ADCK5: variants seen among roughly 807,000 people sequenced by gnomAD.
The protein encoded by ADCK5 is uncharacterized aarF domain-containing protein kinase 5.
In ADCK5, 43 loss-of-function variants were observed where a neutral mutation model predicts 64.9. The observed-to-expected ratio is 0.66, with a 90% confidence interval of 0.52 to 0.85. ADCK5 has a LOEUF of 0.85. Ranked by LOEUF, ADCK5 falls within the 40% of genes least tolerant of loss-of-function variation. ADCK5 has a pLI of 0.00. For missense variants in ADCK5, 760 were observed against 810.5 expected, an observed-to-expected ratio of 0.94 and a Z score of 0.76; for synonymous variants, 434 against 342.8, an observed-to-expected ratio of 1.27 and a Z score of -2.94.
intron 1 of ADCK5, among the ~76,000 whole-genome samples, chr8:144,378,936 T>A (rs542414333): frequency 7.2e-6 from 1 of 139,788 alleles, no homozygotes; most frequent in Non-Finnish European, 1.6e-5. Context: ...TGGGTAGTTC[T>A]TTTTTTTTTT....
chr8:144,378,475 C>A (rs1586575313), intron 1 of ADCK5, among the ~76,000 whole-genome samples: 1 of 152,102 alleles, frequency 6.6e-6, no homozygotes, highest in Non-Finnish European at 1.5e-5. Flanking sequence ...TCTCCGCCCC[C>A]CCCACTGCTT....
At chr8:144,379,337 G>A in intron 1 of ADCK5, 50 bp from the exon 2 acceptor site, 2 of 1,417,310 alleles carry the variant, frequency 1.4e-6, no homozygotes, top group Non-Finnish European at 1.9e-6. Context: ...GTTGAGGGCA[G>A]GGGCGTGTCC....
chr8:144,393,178 G>C lies in ADCK5; in HGVS notation c.*104G>C. The C allele has an allele frequency of 2.2e-6, 3 of 1,359,396 alleles. No individual in the cohort carries two copies. The highest frequency in any genetic ancestry group is 2.9e-6 in the Non-Finnish European group (3 of 1,019,142). The allele number at this position is 1,359,396 out of a possible 1,614,324, so 84.2% of individuals were successfully genotyped here. ...CGAGCCCCGTGGGCACTCGCACTGG[G>C]GGGCTGTGACAGCAGCTGGGCCAGG... On this transcript the variant is annotated 3_prime_UTR_variant, in exon 15 of 15. Coordinates refer to ENST00000308860, the MANE Select transcript of ADCK5 (RefSeq NM_174922.5).
At chr8:144,374,599 G>A (rs1257525276) in intron 1 of ADCK5, among the ~76,000 whole-genome samples, 1 of 152,126 alleles carries the variant, frequency 6.6e-6, no homozygotes, top group Non-Finnish European at 1.5e-5. Flanking sequence ...GGGGCCCCGC[G>A]GGGAAGCCTC....
chr8:144,393,158 C>G lies in ADCK5; in HGVS notation c.*84C>G. ...GGCTAGAGGTGTAGACACCCCGAGC[C>G]CCGTGGGCACTCGCACTGGGGGGCT... On this transcript the variant is annotated 3_prime_UTR_variant, in exon 15 of 15. Coordinates refer to ENST00000308860, the MANE Select transcript of ADCK5 (RefSeq NM_174922.5). 7.2e-7 allele frequency: 1 copy of G among 1,390,396 alleles called. No individual in the cohort carries two copies. The highest frequency in any genetic ancestry group is 9.5e-7 in the Non-Finnish European group (1 of 1,048,274). 86.1% of individuals were successfully genotyped at this position (1,390,396 alleles called of 1,614,324 possible).
At position 144,390,758 on chromosome 8, in the gene ADCK5, T is replaced by C; in HGVS notation, c.342+12T>C. On this transcript the variant is annotated intron_variant, in intron 4 of 14. Transcript: ENST00000308860. ...GAGGGGTGGAAGAGGTTTGTCCTGG[T>C]GCCCTGGGCACACAGTGGTGGGCAT... is the stretch of plus-strand genomic sequence containing the variant. 6.2e-7 allele frequency: 1 copy of C among 1,612,904 alleles called. No homozygotes were observed. The highest frequency in any genetic ancestry group is 8.5e-7 in the Non-Finnish European group (1 of 1,179,288).
At chr8:144,389,758 T>C (rs1261802936) in intron 3 of ADCK5, among the ~76,000 whole-genome samples, 1 of 152,032 alleles carries the variant, frequency 6.6e-6, no homozygotes, top group Non-Finnish European at 1.5e-5. Context: ...CCTCAATCTC[T>C]TGACTTTGTG....
rs375060146 is a variant in ADCK5 at position 144,392,768 on chromosome 8, G to A, written c.1521-8G>A. 2.5e-6 allele frequency: 4 copies of A among 1,587,312 alleles called. No homozygotes were observed. The highest frequency in any genetic ancestry group is 2.6e-6 in the Non-Finnish European group (3 of 1,168,718). ...GGGCTGACGCGGCGCTAACGCGGGTGTGTGCAGGGCTGTCCGGGGCTGGAG... is the reference window on the plus strand; with the variant it reads ...GGGCTGACGCGGCGCTAACGCGGGTATGTGCAGGGCTGTCCGGGGCTGGAG... On this transcript the variant is annotated splice_region_variant and splice_polypyrimidine_tract_variant and intron_variant, in intron 13 of 14. Coordinates refer to ENST00000308860, the MANE Select transcript of ADCK5 (RefSeq NM_174922.5).
intron 2 of ADCK5, among the ~76,000 whole-genome samples, chr8:144,381,181 C>G (rs1301936393): frequency 1.4e-5 from 2 of 146,572 alleles, no homozygotes; most frequent in African/African-American, 2.6e-5. Context: ...TGTGCTCAGG[C>G]ACCTGCTGCA....
At chr8:144,390,773 G>C (rs781824311) in intron 4 of ADCK5, 27 bp downstream of exon 4, 6 of 1,611,738 alleles carry the variant, frequency 3.7e-6, no homozygotes, top group Non-Finnish European at 5.1e-6. Context: ...TGGGCACACA[G>C]TGGTGGGCAT....
chr8:144,383,304 C>T, intron 3 of ADCK5, 74 bp downstream of exon 3: 3 of 1,453,694 alleles, frequency 2.1e-6, no homozygotes, highest in Non-Finnish European at 2.7e-6. Flanking sequence ...TTGCCTGCTC[C>T]AGATGCCTTC....
Position 144,392,545 on chromosome 8 carries a change from G to T in ADCK5, c.1368G>T (p.Val456=). 6.4e-7 allele frequency: 1 copy of T among 1,564,492 alleles called. No individual in the cohort carries two copies. The part of the protein sequence containing the change: ...LLSREEAAYM[V]DMARERFEAV... ...GCCGCGAAGAGGCGGCCTACATGGTGGACATGGCCCGCGAGCGCTTCGAGG... is the reference window on the plus strand; with the variant it reads ...GCCGCGAAGAGGCGGCCTACATGGTTGACATGGCCCGCGAGCGCTTCGAGG... Residue 456 remains valine (V), a synonymous_variant, in exon 13 of 15, where the codon GTG becomes GTT. Transcript: ENST00000308860.
chr8:144,373,141 A>T (rs1819215966), upstream of ADCK5: 1 of 152,526 alleles, frequency 6.6e-6, no homozygotes, highest in African/African-American at 2.4e-5. Flanking sequence ...GCCCTCGTGG[A>T]TTCCACAAGG....
Position 144,393,149 on chromosome 8 carries a change from A to G in ADCK5, c.*75A>G, listed in dbSNP as rs1303103327. The G allele has an allele frequency of 7.1e-7, 1 of 1,410,424 alleles. No homozygotes were observed. Among genetic ancestry groups the G allele is most frequent in the East Asian group, 2.5e-5 (1 of 39,862 alleles). The allele number at this position is 1,410,424 out of a possible 1,614,324, so 87.4% of individuals were successfully genotyped here. On this transcript the variant is annotated 3_prime_UTR_variant, in exon 15 of 15. Transcript: ENST00000308860. Reference sequence around the variant, plus strand: ...AGGTGGCGGGGCTAGAGGTGTAGACACCCCGAGCCCCGTGGGCACTCGCAC... The same window carrying G: ...AGGTGGCGGGGCTAGAGGTGTAGACGCCCCGAGCCCCGTGGGCACTCGCAC...
chr8:144,387,966 A>G (rs1554859578), intron 3 of ADCK5, among the ~76,000 whole-genome samples: 1 of 151,558 alleles, frequency 6.6e-6, no homozygotes, highest in Non-Finnish European at 1.5e-5. Flanking sequence ...TCCTGACCTC[A>G]GGGGATCCGC....
chr8:144,384,917 T>C lies in ADCK5; in HGVS notation c.266+1687T>C, dbSNP rs188795454. On this transcript the variant is annotated intron_variant, in intron 3 of 14. Transcript: ENST00000308860. The surrounding 1 kb of genome is among the most constrained non-coding windows in gnomAD (Gnocchi z 5.7). ...TTGGCTCTAAGCCGTCACGGTTGCA[T>C]AGACAAGCAGGCCTGTGGAGCTTCC... Among the ~76,000 whole-genome samples, 65 of 152,258 alleles carry C rather than the reference T, an allele frequency of 4.3e-4. No individual in the cohort carries two copies. Among genetic ancestry groups the C allele is most frequent in the Non-Finnish European group, 6.6e-4 (45 of 68,016 alleles).
intron 1 of ADCK5, chr8:144,375,384 A>G (rs1554856939): frequency 1.1e-6 from 1 of 887,564 alleles, no homozygotes; most frequent in African/African-American, 1.8e-5. Flanking sequence ...GGGGACAATT[A>G]TGTGCCTCAG....
chr8:144,392,472 T>TGCAGCGCCCC lies in ADCK5; in HGVS notation c.1297_1306dup (p.Val436AlafsTer74). 1 of 1,265,832 alleles carries TGCAGCGCCCC rather than the reference T, an allele frequency of 7.9e-7. No homozygotes were observed. The allele number at this position is 1,265,832 out of a possible 1,614,324, so 78.4% of individuals were successfully genotyped here. ...TACCTCCTGTTCGCCGAGATGCTCA[T>TGCAGCGCCCC]GCAGCGCCCCGTGCGCCTGGGGCAG... On this transcript the variant is annotated frameshift_variant, in exon 13 of 15. Transcript: ENST00000308860. LOFTEE classifies it high-confidence loss of function.
rs782788015 is a variant in ADCK5 at position 144,391,164 on chromosome 8, G to C, written c.574G>C (p.Ala192Pro). 6.2e-7 allele frequency: 1 copy of C among 1,611,370 alleles called. No individual in the cohort carries two copies. The highest frequency in any genetic ancestry group is 1.1e-5 in the South Asian group (1 of 91,066). Residue 192 changes from alanine to proline, a missense_variant, in exon 6 of 15, where the codon GCC (alanine) becomes CCC (proline). By Grantham distance (27) the Ala-to-Pro change is conservative (BLOSUM62 -1). Transcript: ENST00000308860. ...VDELFLEDFQ[A>P]LPHELFQEFD... ...TGAGTTGTTCCTTGAGGACTTCCAGGCCCTCCCCCACGAGCTCTTCCAGGA... is the reference window on the plus strand; with the variant it reads ...TGAGTTGTTCCTTGAGGACTTCCAGCCCCTCCCCCACGAGCTCTTCCAGGA...
Sources: gnomAD v4.1 joint callset for allele counts (sites outside exome capture counted in the v4.1 genomes callset) on GRCh38, gnomAD v4.1.1 for gene constraint, Gnocchi (gnomAD v3.1) non-coding constraint, MANE v1.5 for transcripts, NCBI Gene and HGNC (gene_info 2026-07-23, HGNC 2026-07-21) for gene names.